ESRRB: variants seen among roughly 807,000 people sequenced by gnomAD.
The protein encoded by ESRRB is steroid hormone receptor ERR2.
In ESRRB, 16 loss-of-function variants were observed where a neutral mutation model predicts 46.0. The ratio of observed to expected loss-of-function variants is 0.35; its 90% CI spans 0.24 to 0.53. The LOEUF (loss-of-function observed/expected upper bound fraction) is 0.53, where lower values mean the gene tolerates loss of function less well. Ranked by LOEUF, ESRRB falls within the 20% of genes least tolerant of loss-of-function variation. ESRRB has a pLI of 0.93. For missense variants in ESRRB, 488 were observed against 607.4 expected, an observed-to-expected ratio of 0.80 and a Z score of 2.07; for synonymous variants, 246 against 259.6, an observed-to-expected ratio of 0.95 and a Z score of 0.50.
chr14:76,377,322 A>G (rs947272882), intron 1 of ESRRB, among the ~76,000 whole-genome samples: 1 of 152,074 alleles, frequency 6.6e-6, no homozygotes, highest in Non-Finnish European at 1.5e-5. Flanking sequence ...CCCGCGTGTC[A>G]TGTCCGGGCT....
Position 76,326,516 on chromosome 14 carries a change from T to C in ESRRB, c.2+15600T>C, listed in dbSNP as rs545339575. ...GGGCTACTCTAAGGACTAAAGTAGATGAGCCATACGGAAGCACCAGCTCCT... is the reference window on the plus strand; with the variant it reads ...GGGCTACTCTAAGGACTAAAGTAGACGAGCCATACGGAAGCACCAGCTCCT... On this transcript the variant is annotated intron_variant, in intron 1 of 6. Coordinates refer to the ESRRB transcript ENST00000512784. 5.8e-4 allele frequency among the ~76,000 whole-genome samples: 89 copies of C among 152,354 alleles called. 1 individual carries two copies. Among genetic ancestry groups the C allele is most frequent in the Non-Finnish European group, 1.5e-4 (10 of 68,034 alleles).
chr14:76,334,760 C>T (rs748117876), intron 1 of ESRRB, among the ~76,000 whole-genome samples: 2 of 152,136 alleles, frequency 1.3e-5, no homozygotes, highest in African/African-American at 2.4e-5. Context: ...TTCTTTGGGC[C>T]GTCTCCTTTC....
chr14:76,392,204 C>T (rs944473224), intron 1 of ESRRB, among the ~76,000 whole-genome samples: 1 of 152,196 alleles, frequency 6.6e-6, no homozygotes, highest in African/African-American at 2.4e-5. Flanking sequence ...CACTGCGGCC[C>T]TGTGTTCCCA....
chr14:76,321,082 A>T (rs540339174), intron 1 of ESRRB, among the ~76,000 whole-genome samples: 15 of 152,306 alleles, frequency 9.8e-5, no homozygotes, highest in African/African-American at 3.6e-4. Flanking sequence ...TTTATCATTA[A>T]TTGCTGTGCG....
intron 1 of ESRRB, among the ~76,000 whole-genome samples, chr14:76,353,945 G>A (rs137882994): frequency 0.014 from 2,084 of 152,216 alleles, 46 homozygotes; most frequent in African/African-American, 0.048. Context: ...CTGGGCAACA[G>A]AGCGAGACCC....
intron 1 of ESRRB, among the ~76,000 whole-genome samples, chr14:76,318,607 A>G (rs539684065): frequency 2.6e-5 from 4 of 152,156 alleles, no homozygotes; most frequent in African/African-American, 9.7e-5. Flanking sequence ...CAGTTTCCTC[A>G]TCTGTAAAAT....
intron 2 of ESRRB, among the ~76,000 whole-genome samples, chr14:76,440,857 A>ACCCCCGT (rs915628343): frequency 2.0e-5 from 3 of 151,954 alleles, no homozygotes; most frequent in Non-Finnish European, 2.9e-5. Context: ...ACATGGTGAA[A>ACCCCCGT]CCCCCGTCTC....
chr14:76,387,074 C>T (rs1885261918), intron 1 of ESRRB, among the ~76,000 whole-genome samples: 1 of 152,190 alleles, frequency 6.6e-6, no homozygotes, highest in African/African-American at 2.4e-5. Flanking sequence ...GGACAGGAGG[C>T]TGACCCTTGT....
At chr14:76,425,971 G>C (rs1198886614) in intron 1 of ESRRB, among the ~76,000 whole-genome samples, 1 of 152,204 alleles carries the variant, frequency 6.6e-6, no homozygotes, top group Non-Finnish European at 1.5e-5. Flanking sequence ...GTTTCTCATA[G>C]CACTCACCAC....
At chr14:76,468,625 C>A (rs540132124) in intron 3 of ESRRB, among the ~76,000 whole-genome samples, 2 of 150,242 alleles carry the variant, frequency 1.3e-5, no homozygotes, top group Admixed American at 6.6e-5. Flanking sequence ...CCTGGTTAAA[C>A]CTCATCTTCA....
At chr14:76,495,121 C>T (rs1365917945) in intron 6 of ESRRB, among the ~76,000 whole-genome samples, 2 of 152,104 alleles carry the variant, frequency 1.3e-5, no homozygotes, top group African/African-American at 4.8e-5. Context: ...TGCACATACC[C>T]ACATATGCAG....
chr14:76,460,718 T>TTTTTTTTTTTTTTTTTA (rs1888816998), intron 2 of ESRRB, among the ~76,000 whole-genome samples: 7 of 151,354 alleles, frequency 4.6e-5, no homozygotes, highest in African/African-American at 1.5e-4. Context: ...CATTTTTTTT[T>TTTTTTTTTTTTTTTTTA]GAGACGGAGT....
At chr14:76,321,446 T>C (rs1883866344) in intron 1 of ESRRB, among the ~76,000 whole-genome samples, 1 of 152,240 alleles carries the variant, frequency 6.6e-6, no homozygotes, top group Non-Finnish European at 1.5e-5. Context: ...CTTTAAAGCT[T>C]TAAGAATTCT....
At chr14:76,440,970 C>T (rs1887898642) in intron 2 of ESRRB, among the ~76,000 whole-genome samples, 1 of 152,288 alleles carries the variant, frequency 6.6e-6, no homozygotes, top group Middle Eastern at 3.4e-3. Flanking sequence ...ATCGCTTGAA[C>T]CCGGGAGGTG....
chr14:76,407,635 C>T (rs1886247937), intron 1 of ESRRB: 2 of 947,582 alleles, frequency 2.1e-6, no homozygotes, highest in Non-Finnish European at 2.5e-6. Flanking sequence ...GCCACATGGC[C>T]GATTCACACT....
At chr14:76,445,563 A>G (rs991262932) in intron 2 of ESRRB, among the ~76,000 whole-genome samples, 2 of 151,964 alleles carry the variant, frequency 1.3e-5, no homozygotes, top group African/African-American at 2.4e-5. Flanking sequence ...TCTTCCTTAG[A>G]TCACTTCCTT....
In ESRRB at chr14:76,476,085, AT is replaced by A. The variant is rs898064240; in HGVS notation, c.578-5921del. Among the ~76,000 whole-genome samples the A allele has an allele frequency of 9.0e-3, 1,336 of 149,154 alleles. 21 individuals are homozygous for A. Among genetic ancestry groups the A allele is most frequent in the African/African-American group, 0.031 (1,267 of 40,736 alleles). On this transcript the variant is annotated intron_variant, in intron 3 of 6. Transcript: ENST00000644823. ...GTGAAGTGGGTTTTTTTTTTTATTA[AT>A]TTTTTTTTTAGATGGAGTCTCACTC...
At chr14:76,479,899 A>T (rs1373301020) in intron 3 of ESRRB, among the ~76,000 whole-genome samples, 6 of 152,026 alleles carry the variant, frequency 3.9e-5, no homozygotes, top group Non-Finnish European at 7.4e-5. Flanking sequence ...ATGGAGTCTC[A>T]CTCTGTTACT....
Position 76,438,530 on chromosome 14 carries a change from G to T in ESRRB, c.51-811G>T, listed in dbSNP as rs545652003. ...AATACAAAAATTAGCTGTGCATGAC[G>T]GCGGGTGCCTGTAATCCCAGCTACT... On this transcript the variant is annotated intron_variant, in intron 1 of 6. Coordinates refer to ENST00000644823, the MANE Select transcript of ESRRB (RefSeq NM_001379180.1). Among the ~76,000 whole-genome samples, 28 of 152,160 alleles carry T rather than the reference G, an allele frequency of 1.8e-4. No individual in the cohort carries two copies. The South Asian group carries it at 5.6e-3, about 31-fold the overall frequency.
Sources: allele counts gnomAD v4.1 joint callset (sites outside exome capture counted in the v4.1 genomes callset), GRCh38; gene constraint gnomAD v4.1.1; transcripts MANE v1.5; gene names NCBI Gene and HGNC (gene_info 2026-07-23, HGNC 2026-07-21).